The following RTN4IP1 variants were observed in gnomAD, a reference collection of about 807,000 sequenced individuals.
The protein encoded by RTN4IP1 is reticulon 4 interacting protein 1.
RTN4IP1 carries 32 observed loss-of-function variants against 46.6 expected under a neutral mutation model. The ratio of observed to expected loss-of-function variants is 0.69; its 90% CI spans 0.52 to 0.92. The LOEUF (loss-of-function observed/expected upper bound fraction) is 0.92. RTN4IP1 is among the 40% of genes least tolerant of loss of function. RTN4IP1 has a pLI of 0.00. For missense variants in RTN4IP1, 424 were observed against 485.8 expected (o/e 0.87, Z 1.20); for synonymous variants, 167 against 161.8 (o/e 1.03, Z -0.24).
rs780598818 is a variant in RTN4IP1 at position 106,628,750 on chromosome 6, C to T, written c.272G>A (p.Arg91Lys). The change falls in exon 1 of 9, where the codon AGA (arginine) becomes AAA (lysine). Residue 91 changes from arginine to lysine, a missense_variant and splice_region_variant. Transcript: ENST00000369063. ...ASVNPIDVNM[R>K]SGYGATALNM... ...AACAATGTCTTTTGAAAACTTACTT[C>T]TCATATTAACGTCTATAGGATTTAC... is the stretch of plus-strand genomic sequence containing the variant. 4 of 1,598,050 alleles carry T rather than the reference C, an allele frequency of 2.5e-6. No individual in the cohort carries two copies. The highest frequency in any genetic ancestry group is 3.4e-6 in the Non-Finnish European group (4 of 1,168,234).
At chr6:106,610,253 G>T (rs77477621) in intron 4 of RTN4IP1, among the ~76,000 whole-genome samples, 1 of 151,932 alleles carries the variant, frequency 6.6e-6, no homozygotes, top group Non-Finnish European at 1.5e-5. Flanking sequence ...TAGTAGAGAT[G>T]GGGTTTCACC....
At chr6:106,609,172 G>A (rs1776161417) in intron 4 of RTN4IP1, among the ~76,000 whole-genome samples, 1 of 152,236 alleles carries the variant, frequency 6.6e-6, no homozygotes, top group Non-Finnish European at 1.5e-5. Context: ...TATTCTGCAA[G>A]CTCTTAAGGT....
intron 1 of RTN4IP1, among the ~76,000 whole-genome samples, chr6:106,626,107 G>A (rs1024388914): frequency 1.3e-5 from 2 of 152,132 alleles, no homozygotes; most frequent in Non-Finnish European, 2.9e-5. Context: ...AACACAAGCC[G>A]AGGGCTGGCC....
intron 4 of RTN4IP1, among the ~76,000 whole-genome samples, chr6:106,608,247 A>T (rs2114663264): frequency 6.6e-6 from 1 of 152,298 alleles, no homozygotes; most frequent in African/African-American, 2.4e-5. Flanking sequence ...GAAGATAAAT[A>T]CCACGTTTTC....
intron 3 of RTN4IP1, 140 bp from the exon 4 acceptor site, chr6:106,619,466 T>C (rs1368629767): frequency 1.1e-6 from 1 of 943,196 alleles, no homozygotes. Context: ...TATACGTGGA[T>C]TTCCTGCCTC....
At chr6:106,572,653 G>A (rs1342979833) in intron 8 of RTN4IP1, among the ~76,000 whole-genome samples, 2 of 152,132 alleles carry the variant, frequency 1.3e-5, no homozygotes, top group African/African-American at 2.4e-5. Flanking sequence ...GACTGTACTT[G>A]TTACAGCTGA....
At chr6:106,620,204 A>C (rs549741999) in intron 3 of RTN4IP1, among the ~76,000 whole-genome samples, 2 of 151,902 alleles carry the variant, frequency 1.3e-5, no homozygotes, top group Non-Finnish European at 2.9e-5. Context: ...TCCCAGGTTT[A>C]AGCGATTCTC....
At chr6:106,582,506 T>C (rs991952358) in intron 8 of RTN4IP1, among the ~76,000 whole-genome samples, 8 of 152,202 alleles carry the variant, frequency 5.3e-5, no homozygotes, top group African/African-American at 1.7e-4. Context: ...CCCCTTTTTC[T>C]TGGCAAGTTG....
intron 8 of RTN4IP1, among the ~76,000 whole-genome samples, chr6:106,575,960 C>T (rs997111627): frequency 4.6e-5 from 7 of 152,154 alleles, no homozygotes; most frequent in African/African-American, 1.7e-4. Context: ...AGGTGACAAA[C>T]ACCAAGGAAG....
At chr6:106,619,570 T>A (rs9654625) in intron 3 of RTN4IP1, among the ~76,000 whole-genome samples, 33,460 of 150,574 alleles carry the variant, frequency 0.22, 3,887 homozygotes, top group African/African-American at 0.26. Context: ...ATCTTTATGA[T>A]GATCCACTTA....
In RTN4IP1 at chr6:106,580,213, CA is replaced by C. The variant is rs746909333; in HGVS notation, c.1083+3114del. On this transcript the variant is annotated intron_variant, in intron 8 of 8. Coordinates refer to ENST00000369063, the MANE Select transcript of RTN4IP1 (RefSeq NM_032730.5). ...TGGGCGACAGAGCAAGACTCTGTCT[CA>C]AAAAAAAAAAAAAAAAAAGATAGTT... Among the ~76,000 whole-genome samples the C allele has an allele frequency of 6.2e-3, 431 of 69,186 alleles. 2 individuals carry two copies. The highest frequency in any genetic ancestry group is 0.015 in the African/African-American group (284 of 19,306). The allele number at this position is 69,186 out of a possible 152,430, so 45.4% of individuals were successfully genotyped here. A position where few individuals can be genotyped will look rare whatever the true frequency, so the allele number is the denominator to read the frequency against.
chr6:106,584,045 T>G (rs564975642), intron 7 of RTN4IP1, among the ~76,000 whole-genome samples: 1 of 152,202 alleles, frequency 6.6e-6, no homozygotes, highest in South Asian at 2.1e-4. Context: ...CAAATGAAGA[T>G]GAGTACAAAT....
At chr6:106,628,724 TA>T in intron 1 of RTN4IP1, 23 bp downstream of exon 1, 1 of 1,584,186 alleles carries the variant, frequency 6.3e-7, no homozygotes, top group Non-Finnish European at 8.6e-7. Context: ...TTAAAAAAGG[TA>T]ACAATGTCTT....
intron 8 of RTN4IP1, among the ~76,000 whole-genome samples, chr6:106,575,705 T>A (rs1775210903): frequency 6.6e-6 from 1 of 152,132 alleles, no homozygotes; most frequent in Admixed American, 6.5e-5. Context: ...CATATCCGAG[T>A]GGGCCTCTTT....
At chr6:106,590,445 G>A (rs6913374) in intron 6 of RTN4IP1, among the ~76,000 whole-genome samples, 1 of 151,462 alleles carries the variant, frequency 6.6e-6, no homozygotes, top group South Asian at 2.1e-4. Flanking sequence ...GGCTGGGCGC[G>A]GTGGTTCACG....
Position 106,629,304 on chromosome 6 carries a change from A to AG in RTN4IP1, c.-284dup, listed in dbSNP as rs879437052. 85 of 377,420 alleles carry AG rather than the reference A, an allele frequency of 2.3e-4. No homozygotes were observed. In the South Asian group the frequency reaches 2.5e-3, roughly 11 times the overall value. The allele number at this position is 377,420 out of a possible 1,614,324, so 23.4% of individuals were successfully genotyped here. On this transcript the variant is annotated 5_prime_UTR_variant, in exon 1 of 9. It removes the in-frame stop codon of an upstream open reading frame in the 5' UTR. Coordinates refer to ENST00000369063, the MANE Select transcript of RTN4IP1 (RefSeq NM_032730.5). ...TCACCCCCTCCACTTTAAAAAAAAAAGGGGGGGCGGGGCATTAAAAAGCAG... is the reference window on the plus strand; with the variant it reads ...TCACCCCCTCCACTTTAAAAAAAAAAGGGGGGGGCGGGGCATTAAAAAGCAG...
chr6:106,589,552 G>A (rs1775595305), intron 6 of RTN4IP1, among the ~76,000 whole-genome samples: 1 of 152,140 alleles, frequency 6.6e-6, no homozygotes, highest in South Asian at 2.1e-4. Context: ...TGGAGACCAG[G>A]TTGTGGATCC....
intron 7 of RTN4IP1, among the ~76,000 whole-genome samples, chr6:106,584,850 G>A (rs888470785): frequency 2.4e-4 from 37 of 152,380 alleles, no homozygotes; most frequent in African/African-American, 8.4e-4. Flanking sequence ...CTTACTGGGT[G>A]AGTGACCCTA....
chr6:106,622,865 C>T lies in RTN4IP1; in HGVS notation c.379G>A (p.Val127Met). 6.2e-7 allele frequency: 1 copy of T among 1,614,122 alleles called. No individual in the cohort carries two copies. The highest frequency in any genetic ancestry group is 8.5e-7 in the Non-Finnish European group (1 of 1,180,012). ...LTLGRDVSGVVMECGLDVKYF... is the reference protein window; with the variant it reads ...LTLGRDVSGVMMECGLDVKYF... ...TTCACATCAAGCCCACATTCCATCACCACGCCAGAGACATCCCGACCCAGA... is the reference window on the plus strand; with the variant it reads ...TTCACATCAAGCCCACATTCCATCATCACGCCAGAGACATCCCGACCCAGA... The change falls in exon 2 of 9, where the codon GTG (valine) becomes ATG (methionine). Residue 127 changes from valine to methionine, a missense_variant. Val to Met is a conservative substitution (Grantham distance 21, BLOSUM62 1). Transcript: ENST00000369063.
Sources: gnomAD v4.1 joint callset for allele counts (sites outside exome capture counted in the v4.1 genomes callset) on GRCh38, gnomAD v4.1.1 for gene constraint, MANE v1.5 for transcripts, NCBI Gene and HGNC (gene_info 2026-07-23, HGNC 2026-07-21) for gene names.